The following KHDRBS2 variants were observed in gnomAD, a reference collection of about 807,000 sequenced individuals.
KHDRBS2 encodes the protein KH domain-containing, RNA-binding, signal transduction-associated protein 2.
In KHDRBS2, 26 loss-of-function variants were observed where a neutral mutation model predicts 44.3. That is an observed-to-expected ratio of 0.59 (90% CI 0.43 to 0.81). The LOEUF (loss-of-function observed/expected upper bound fraction) is 0.81, where lower values mean the gene tolerates loss of function less well. Ranked by LOEUF, KHDRBS2 falls within the 40% of genes least tolerant of loss-of-function variation. KHDRBS2 has a pLI of 0.00. For synonymous variants in KHDRBS2, 194 were observed against 151.1 expected (o/e 1.28, Z -2.08); for missense variants, 476 against 433.1 (o/e 1.10, Z -0.88).
At chr6:61,585,903 T>C in the KHDRBS2 span, among the ~76,000 whole-genome samples, 1 of 152,136 alleles carries the variant, frequency 6.6e-6, no homozygotes, top group Non-Finnish European at 1.5e-5. Context: ...CCCAGATCTC[T>C]TATTTAGAAA....
At chr6:61,850,801 G>A (rs1795300414) in intron 6 of KHDRBS2, among the ~76,000 whole-genome samples, 1 of 152,112 alleles carries the variant, frequency 6.6e-6, no homozygotes, top group Non-Finnish European at 1.5e-5. Context: ...TGAGATCTAG[G>A]GGTGGGGTGG....
chr6:62,153,629 G>T (rs1279023598), intron 2 of KHDRBS2, among the ~76,000 whole-genome samples: 4 of 152,002 alleles, frequency 2.6e-5, no homozygotes, highest in African/African-American at 9.7e-5. Flanking sequence ...GAGAAAAATG[G>T]CCAAATATGA....
intron 2 of KHDRBS2, among the ~76,000 whole-genome samples, chr6:62,103,074 T>C (rs897130217): frequency 2.0e-5 from 3 of 152,084 alleles, no homozygotes; most frequent in African/African-American, 7.2e-5. Flanking sequence ...GATTGGTCCA[T>C]GGACAGCCAT....
intron 1 of KHDRBS2, among the ~76,000 whole-genome samples, chr6:62,261,207 A>G (rs1376016403): frequency 1.3e-5 from 2 of 151,938 alleles, no homozygotes; most frequent in Non-Finnish European, 2.9e-5. Flanking sequence ...TACCAAAAAG[A>G]TAAGTACTCA....
the KHDRBS2 span, among the ~76,000 whole-genome samples, chr6:61,635,008 C>T: frequency 6.6e-6 from 1 of 151,930 alleles, no homozygotes; most frequent in Admixed American, 6.6e-5. Flanking sequence ...GCTTATGAAA[C>T]TAGTTTTCTT....
intron 3 of KHDRBS2, among the ~76,000 whole-genome samples, chr6:62,004,915 C>A (rs1274096090): frequency 1.3e-5 from 2 of 152,082 alleles, no homozygotes; most frequent in African/African-American, 4.8e-5. Flanking sequence ...ACAAAAACCA[C>A]ATGATTTTCT....
chr6:62,063,323 C>T (rs1268207137), intron 2 of KHDRBS2, among the ~76,000 whole-genome samples: 2 of 151,124 alleles, frequency 1.3e-5, no homozygotes, highest in South Asian at 2.1e-4. Context: ...AGAGACACAA[C>T]CGAACAAGAG....
chr6:61,859,123 T>C (rs949972322), intron 6 of KHDRBS2, among the ~76,000 whole-genome samples: 2 of 151,776 alleles, frequency 1.3e-5, no homozygotes, highest in Non-Finnish European at 2.9e-5. Flanking sequence ...TTTTAAAATA[T>C]ATGTATATTT....
At chr6:61,659,469 A>G in the KHDRBS2 span, among the ~76,000 whole-genome samples, 4 of 151,828 alleles carry the variant, frequency 2.6e-5, no homozygotes, top group Admixed American at 6.6e-5. Context: ...ATGGGGTTCA[A>G]ATGTTCTGCC....
At chr6:62,187,750 G>A (rs1823740550) in intron 1 of KHDRBS2, among the ~76,000 whole-genome samples, 1 of 151,914 alleles carries the variant, frequency 6.6e-6, no homozygotes. Flanking sequence ...GAATACTCAA[G>A]GTGAAATCTA....
At chr6:62,135,149 T>C (rs1811226025) in intron 2 of KHDRBS2, among the ~76,000 whole-genome samples, 1 of 152,118 alleles carries the variant, frequency 6.6e-6, no homozygotes, top group East Asian at 1.9e-4. Flanking sequence ...TTCCCACCTG[T>C]TGTGGGAGGG....
chr6:61,829,632 AAC>A (rs749608110), intron 6 of KHDRBS2, among the ~76,000 whole-genome samples: 1 of 152,218 alleles, frequency 6.6e-6, no homozygotes, highest in South Asian at 2.1e-4. Context: ...CACTGTGGGA[AAC>A]ACAGATATTT....
the KHDRBS2 span, among the ~76,000 whole-genome samples, chr6:61,605,698 C>A: frequency 1.3e-5 from 2 of 152,156 alleles, no homozygotes; most frequent in Non-Finnish European, 2.9e-5. Context: ...CTGCCCCAAT[C>A]CCACTCAAAG....
intron 2 of KHDRBS2, among the ~76,000 whole-genome samples, chr6:62,077,528 C>G (rs1796582572): frequency 6.6e-6 from 1 of 152,016 alleles, no homozygotes; most frequent in Admixed American, 6.6e-5. Flanking sequence ...TTTCCAAGGT[C>G]TGATTCAACA....
chr6:62,039,395 T>C (rs1584305196), intron 3 of KHDRBS2, among the ~76,000 whole-genome samples: 2 of 151,866 alleles, frequency 1.3e-5, no homozygotes, highest in African/African-American at 4.8e-5. Context: ...TCTAAATTCA[T>C]ATATATGTAT....
intron 1 of KHDRBS2, among the ~76,000 whole-genome samples, chr6:62,254,847 G>A (rs998312035): frequency 2.9e-4 from 44 of 151,966 alleles, no homozygotes; most frequent in Non-Finnish European, 5.3e-4. Context: ...AATGGATTAC[G>A]GAGGGATTAT....
chr6:61,642,114 C>T, the KHDRBS2 span, among the ~76,000 whole-genome samples: 1 of 152,100 alleles, frequency 6.6e-6, no homozygotes, highest in Non-Finnish European at 1.5e-5. Flanking sequence ...CAAACTAAAA[C>T]AGAAAATAAT....
chr6:61,670,768 T>G, the KHDRBS2 span, among the ~76,000 whole-genome samples: 1 of 148,798 alleles, frequency 6.7e-6, no homozygotes, highest in South Asian at 2.1e-4. Flanking sequence ...AAATCAAAAT[T>G]TTATGAACAG....
At chr6:61,732,888 T>C in intron 6 of KHDRBS2, 124 bp from the exon 7 acceptor site, 1 of 640,368 alleles carries the variant, frequency 1.6e-6, no homozygotes. Flanking sequence ...AGTATCCATA[T>C]ATCACATTTT....
Sources: allele counts gnomAD v4.1 joint callset (sites outside exome capture counted in the v4.1 genomes callset), GRCh38; gene constraint gnomAD v4.1.1; transcripts MANE v1.5; gene names NCBI Gene and HGNC (gene_info 2026-07-23, HGNC 2026-07-21).